MAGOH: variants seen among roughly 807,000 people sequenced by gnomAD.
The protein encoded by MAGOH is mago homolog, exon junction complex subunit.
In MAGOH, 3 loss-of-function variants were observed where a neutral mutation model predicts 20.9. The observed-to-expected ratio is 0.14, with a 90% CI of 0.07 to 0.37. MAGOH has a LOEUF of 0.37. MAGOH is among the 10% of genes least tolerant of loss of function. The pLI is 1.00. For synonymous variants in MAGOH, 51 were observed against 61.0 expected, an observed-to-expected ratio of 0.84 and a Z score of 0.76; for missense variants, 66 against 178.1, an observed-to-expected ratio of 0.37 and a Z score of 3.58.
Position 53,227,043 on chromosome 1 carries a change from G to C in MAGOH, c.*2C>G. On this transcript the variant is annotated 3_prime_UTR_variant, in exon 5 of 5. Coordinates refer to ENST00000371470, the MANE Select transcript of MAGOH (RefSeq NM_002370.4). Reference sequence around the variant, plus strand: ...CCCCCCATGTCCACACCAATATTCAGTCTAGATTGGTTTAATCTTGAAGTG... The same window carrying C: ...CCCCCCATGTCCACACCAATATTCACTCTAGATTGGTTTAATCTTGAAGTG... The C allele has an allele frequency of 4.2e-5, 42 of 996,058 alleles. No individual in the cohort carries two copies. The highest frequency in any genetic ancestry group is 5.4e-5 in the Non-Finnish European group (37 of 679,028). 61.7% of individuals were successfully genotyped at this position (996,058 alleles called of 1,614,324 possible). A position where few individuals can be genotyped will look rare whatever the true frequency, so the allele number is the denominator to read the frequency against.
At chr1:53,227,311 TAAC>T (rs778811495) in intron 4 of MAGOH, among the ~76,000 whole-genome samples, 167 bp from the exon 5 acceptor site, 3 of 152,178 alleles carry the variant, frequency 2.0e-5, no homozygotes, top group Non-Finnish European at 2.9e-5. Context: ...ATAATTAAAA[TAAC>T]AATTATTAAT....
At chr1:53,233,893 T>C (rs1645598488) in intron 2 of MAGOH, 1 of 357,002 alleles carries the variant, frequency 2.8e-6, no homozygotes, top group Non-Finnish European at 5.1e-6. Context: ...CCTGTTCACA[T>C]GGCCCTTCTG....
chr1:53,235,573 A>G lies in MAGOH; in HGVS notation c.147+4T>C. ...AGGACTCTCAGAAGGCAGAAGGCTC[A>G]TACCTCTTTTCTGATCATGACATCA... On this transcript the variant is annotated splice_donor_region_variant and intron_variant, in intron 2 of 4. Transcript: ENST00000371470. 1 of 1,613,226 alleles carries G rather than the reference A, an allele frequency of 6.2e-7. No individual in the cohort carries two copies. Among genetic ancestry groups the G allele is most frequent in the Non-Finnish European group, 8.5e-7 (1 of 1,179,274 alleles).
chr1:53,228,780 G>A, intron 4 of MAGOH, 92 bp downstream of exon 4: 1 of 956,158 alleles, frequency 1.0e-6, no homozygotes, highest in South Asian at 1.3e-5. Context: ...ATTTGCCCCA[G>A]CTCTTCCCAT....
At chr1:53,236,406 A>G (rs1057337269) in intron 1 of MAGOH, among the ~76,000 whole-genome samples, 1 of 152,210 alleles carries the variant, frequency 6.6e-6, no homozygotes, top group African/African-American at 2.4e-5. Flanking sequence ...CAAACTCCTC[A>G]ACATGGCATA....
chr1:53,236,058 C>T (rs1053470791), intron 1 of MAGOH, among the ~76,000 whole-genome samples: 2 of 152,190 alleles, frequency 1.3e-5, no homozygotes, highest in African/African-American at 4.8e-5. Flanking sequence ...GTGACTGTGC[C>T]ATACTCTATT....
chr1:53,234,373 CTTT>C (rs71579963), intron 2 of MAGOH, among the ~76,000 whole-genome samples: 7 of 132,702 alleles, frequency 5.3e-5, no homozygotes, highest in African/African-American at 2.0e-4. Context: ...CCTGGTTATT[CTTT>C]TTTTTTTTTT....
rs1324497581 is a variant in MAGOH at position 53,238,476 on chromosome 1, C to T, written c.-28G>A. ...CTCCCAAAAGACAACCGAGCCTGAA[C>T]TTCCAAGAGCAAGCCGCACTGCCGC... On this transcript the variant is annotated 5_prime_UTR_variant, in exon 1 of 5. Coordinates refer to ENST00000371470, the MANE Select transcript of MAGOH (RefSeq NM_002370.4). 6.2e-7 allele frequency: 1 copy of T among 1,600,208 alleles called. No homozygotes were observed. The highest frequency in any genetic ancestry group is 8.6e-7 in the Non-Finnish European group (1 of 1,167,320).
chr1:53,227,209 G>T, intron 4 of MAGOH, 65 bp from the exon 5 acceptor site: 1 of 804,256 alleles, frequency 1.2e-6, no homozygotes, highest in Non-Finnish European at 2.0e-6. Context: ...CCCTAAAAAG[G>T]AAAAGACTAT....
At chr1:53,230,229 TAATTC>T (rs1476273229) in intron 3 of MAGOH, among the ~76,000 whole-genome samples, 2 of 152,236 alleles carry the variant, frequency 1.3e-5, no homozygotes, top group Non-Finnish European at 2.9e-5. Flanking sequence ...CTTTTTGTTA[TAATTC>T]AATCAGAAAA....
intron 3 of MAGOH, among the ~76,000 whole-genome samples, chr1:53,229,161 C>A (rs1645574166): frequency 6.6e-6 from 1 of 151,778 alleles, no homozygotes; most frequent in Admixed American, 6.6e-5. Context: ...ACCCTTAAGG[C>A]CCTACCATTT....
At chr1:53,232,623 T>C (rs919829898) in intron 3 of MAGOH, among the ~76,000 whole-genome samples, 6 of 152,140 alleles carry the variant, frequency 3.9e-5, no homozygotes, top group African/African-American at 1.4e-4. Flanking sequence ...ATGTGGCAAG[T>C]GCAAAGGCCC....
chr1:53,231,984 T>A (rs1645588564), intron 3 of MAGOH, among the ~76,000 whole-genome samples: 1 of 152,228 alleles, frequency 6.6e-6, no homozygotes, highest in South Asian at 2.1e-4. Context: ...TCTTTATAAC[T>A]CTTCTTGCAA....
At chr1:53,232,828 C>T (rs924374947) in intron 3 of MAGOH, among the ~76,000 whole-genome samples, 1 of 152,296 alleles carries the variant, frequency 6.6e-6, no homozygotes, top group South Asian at 2.1e-4. Context: ...CAGTAGGATG[C>T]GGCGGCTTAC....
chr1:53,230,575 G>A (rs530407081), intron 3 of MAGOH, among the ~76,000 whole-genome samples: 1 of 151,282 alleles, frequency 6.6e-6, no homozygotes, highest in East Asian at 1.9e-4. Context: ...GCGCCACCAC[G>A]CCCAGTTAAT....
In MAGOH at chr1:53,238,326, G is replaced by T. The variant is rs772295909; in HGVS notation, c.88+35C>A. Reference sequence around the variant, plus strand: ...CCCCACTCGCCGGCCCCCAGGCCTGGTCCCCGCTCCCGGCGGGCGGCAGGC... The same window carrying T: ...CCCCACTCGCCGGCCCCCAGGCCTGTTCCCCGCTCCCGGCGGGCGGCAGGC... On this transcript the variant is annotated intron_variant, in intron 1 of 4. Coordinates refer to ENST00000371470, the MANE Select transcript of MAGOH (RefSeq NM_002370.4). The T allele has an allele frequency of 1.6e-5, 26 of 1,607,736 alleles. No homozygotes were observed. The Admixed American group carries it at 3.0e-4, about 19-fold the overall frequency.
intron 2 of MAGOH, among the ~76,000 whole-genome samples, chr1:53,234,626 G>T (rs951917560): frequency 1.3e-5 from 2 of 151,838 alleles, no homozygotes; most frequent in African/African-American, 2.4e-5. Context: ...CGCCCGCCTC[G>T]GCCTCCCAAA....
chr1:53,233,462 A>C, intron 3 of MAGOH, 80 bp downstream of exon 3: 2 of 916,432 alleles, frequency 2.2e-6, no homozygotes, highest in Non-Finnish European at 3.5e-6. Context: ...GATAGGCAAC[A>C]AAAGCTTTAA....
In MAGOH at chr1:53,235,642, G is replaced by A. The variant is rs752228598; in HGVS notation, c.89-7C>T. On this transcript the variant is annotated splice_polypyrimidine_tract_variant and splice_region_variant and intron_variant, in intron 1 of 4. Transcript: ENST00000371470. ...TTGGCATATCTTAACTTCCCTGTGG[G>A]GGCAAAAAACAATTTCAACGTATAA... is the stretch of plus-strand genomic sequence containing the variant. 9 of 1,610,268 alleles carry A rather than the reference G, an allele frequency of 5.6e-6. No homozygotes were observed. The highest frequency in any genetic ancestry group is 1.1e-5 in the South Asian group (1 of 90,446).
Sources: gnomAD v4.1 joint callset for allele counts (sites outside exome capture counted in the v4.1 genomes callset) on GRCh38, gnomAD v4.1.1 for gene constraint, MANE v1.5 for transcripts, NCBI Gene and HGNC (gene_info 2026-07-23, HGNC 2026-07-21) for gene names.